The following ATP2B2 variants were observed in gnomAD, a reference collection of about 807,000 sequenced individuals.
ATP2B2 encodes plasma membrane calcium-transporting ATPase 2.
A neutral mutation model predicts 120.0 loss-of-function variants in ATP2B2; 15 were observed. The observed-to-expected ratio is 0.12, with a 90% CI of 0.08 to 0.19. ATP2B2 has a LOEUF of 0.19. ATP2B2 is among the 10% of genes least tolerant of loss of function. The probability of loss-of-function intolerance (pLI) is 1.00; values close to 1 mark genes in which losing one functional copy is unlikely to be tolerated. For synonymous variants in ATP2B2, 694 were observed against 700.3 expected (o/e 0.99, Z 0.14); for missense variants, 1,045 against 1,719.8 (o/e 0.61, Z 6.94).
Position 10,563,155 on chromosome 3 carries a change from ACT to A in ATP2B2, c.-414-29024_-414-29023del, listed in dbSNP as rs1035309677. Among the ~76,000 whole-genome samples, 3 of 152,244 alleles carry A rather than the reference ACT, an allele frequency of 2.0e-5. 1 individual carries two copies. The highest frequency in any genetic ancestry group is 2.0e-4 in the Admixed American group (3 of 15,290). On this transcript the variant is annotated intron_variant, in intron 2 of 21. Transcript: ENST00000646379. ...ATTGAGGGTTGGCTGTATGCCAGGCACTGAGCCGGAACTTTGCATGTATTATT... is the reference window on the plus strand; with the variant it reads ...ATTGAGGGTTGGCTGTATGCCAGGCAGAGCCGGAACTTTGCATGTATTATT...
intron 22 of ATP2B2, chr3:10,332,084 G>A (rs1472472086): frequency 7.9e-6 from 12 of 1,516,426 alleles, no homozygotes; most frequent in South Asian, 4.8e-5. Flanking sequence ...AGAGGTCTAG[G>A]GTTCCCCCCA....
chr3:10,504,642 T>C (rs935718294), intron 1 of ATP2B2, among the ~76,000 whole-genome samples: 1 of 151,890 alleles, frequency 6.6e-6, no homozygotes, highest in Non-Finnish European at 1.5e-5. Flanking sequence ...AGAAAGGGGT[T>C]GCTGCTGTCC....
chr3:10,486,002 T>TGAGGACAGGAGGCCACAAGTGGGCATG (rs2065635942), intron 1 of ATP2B2, among the ~76,000 whole-genome samples: 1 of 151,990 alleles, frequency 6.6e-6, no homozygotes, highest in Non-Finnish European at 1.5e-5. Flanking sequence ...GGGTGGTAAG[T>TGAGGACAGGAGGCCACAAGTGGGCATG]GAGGACAGGA....
Position 10,358,935 on chromosome 3 carries a change from G to A in ATP2B2, c.1902-10C>T. On this transcript the variant is annotated splice_polypyrimidine_tract_variant and intron_variant, in intron 13 of 22. Transcript: ENST00000360273. ...GAGGATTTTGCAGCACCTAGGGGAG[G>A]ATGGAAGGGAGATGGGGAGCCCAGG... 1 of 1,612,682 alleles carries A rather than the reference G, an allele frequency of 6.2e-7. No individual in the cohort carries two copies.
intron 1 of ATP2B2, among the ~76,000 whole-genome samples, chr3:10,486,328 T>TGTGCGTGTGTGC (rs149290932): frequency 6.9e-5 from 8 of 115,582 alleles, no homozygotes; most frequent in East Asian, 2.1e-4. Flanking sequence ...TGCGTGCGTG[T>TGTGCGTGTGTGC]GTGTGTGTGT....
intron 15 of ATP2B2, 26 bp from the exon 16 acceptor site, chr3:10,350,225 GGTC>G: frequency 6.4e-7 from 1 of 1,573,946 alleles, no homozygotes; most frequent in Non-Finnish European, 8.7e-7. Flanking sequence ...GAAGGGGGCG[GGTC>G]GGTGGGGTCG....
At chr3:10,576,771 A>C (rs548154184) in intron 2 of ATP2B2, among the ~76,000 whole-genome samples, 80 of 152,228 alleles carry the variant, frequency 5.3e-4, no homozygotes, top group African/African-American at 1.8e-3. Flanking sequence ...TCAGGACAAT[A>C]TAAGAAGCTG....
chr3:10,341,001 G>A (rs1283953811), intron 19 of ATP2B2, among the ~76,000 whole-genome samples: 1 of 152,148 alleles, frequency 6.6e-6, no homozygotes, highest in East Asian at 1.9e-4. Context: ...GGGCGACATG[G>A]CTTCTAAAAA....
chr3:10,701,060 A>G (rs1361475031), intron 1 of ATP2B2, among the ~76,000 whole-genome samples: 1 of 152,260 alleles, frequency 6.6e-6, no homozygotes, highest in Non-Finnish European at 1.5e-5. Flanking sequence ...ATATTTCTAT[A>G]GCACGAATGA....
chr3:10,514,871 C>T (rs2066845248), intron 3 of ATP2B2, among the ~76,000 whole-genome samples: 1 of 152,246 alleles, frequency 6.6e-6, no homozygotes, highest in Non-Finnish European at 1.5e-5. Flanking sequence ...CATCCCCCTG[C>T]AGGTGGCCCC....
At chr3:10,331,889 T>A in intron 22 of ATP2B2, 1 of 1,270,226 alleles carries the variant, frequency 7.9e-7, no homozygotes, top group Non-Finnish European at 1.1e-6. Context: ...CTGAGATGGG[T>A]TCTACATACT....
At chr3:10,400,287 G>T (rs11716094) in intron 5 of ATP2B2, among the ~76,000 whole-genome samples, 29,480 of 152,160 alleles carry the variant, frequency 0.19, 3,275 homozygotes, top group East Asian at 0.38. Context: ...GGCCCATGAG[G>T]CCTGACCTGT....
At chr3:10,400,786 G>C (rs2062192721) in intron 5 of ATP2B2, among the ~76,000 whole-genome samples, 167 bp downstream of exon 5, 1 of 152,232 alleles carries the variant, frequency 6.6e-6, no homozygotes, top group Non-Finnish European at 1.5e-5. Flanking sequence ...GGCTCAATGT[G>C]TGTTTGTGAG....
At chr3:10,420,939 G>C (rs1262310476) in intron 2 of ATP2B2, among the ~76,000 whole-genome samples, 1 of 152,244 alleles carries the variant, frequency 6.6e-6, no homozygotes, top group South Asian at 2.1e-4. Context: ...TTGGGAGTTA[G>C]AAGAGCTCCC....
chr3:10,371,857 C>A lies in ATP2B2; in HGVS notation c.1611G>T (p.Leu537=). ...TGTTGATGGCGATGGCATTGATCAGCAGCTCCATGGTCTTGGTGTTGATGG... is the reference window on the plus strand; with the variant it reads ...TGTTGATGGCGATGGCATTGATCAGAAGCTCCATGGTCTTGGTGTTGATGG... The part of the protein sequence containing the change: ...PSSINTKTME[L]LINAIAINSA... The change falls in exon 12 of 23, where the codon CTG becomes CTT. Residue 537 remains leucine (L), a synonymous_variant. Coordinates refer to ENST00000360273, the MANE Select transcript of ATP2B2 (RefSeq NM_001001331.4). 2 of 1,614,194 alleles carry A rather than the reference C, an allele frequency of 1.2e-6. No homozygotes were observed. Among genetic ancestry groups the A allele is most frequent in the Non-Finnish European group, 1.7e-6 (2 of 1,180,036 alleles).
intron 1 of ATP2B2, among the ~76,000 whole-genome samples, chr3:10,627,237 T>G (rs2069729541): frequency 6.6e-6 from 1 of 152,202 alleles, no homozygotes; most frequent in African/African-American, 2.4e-5. Flanking sequence ...CAAGGAGATG[T>G]GCCAGAGCCA....
chr3:10,435,695 G>A (rs1186687235), intron 2 of ATP2B2, among the ~76,000 whole-genome samples: 3 of 152,110 alleles, frequency 2.0e-5, no homozygotes, highest in Non-Finnish European at 4.4e-5. Flanking sequence ...CTCTGGAGAA[G>A]GTGGGAGGGG....
chr3:10,668,999 T>A (rs973358721), intron 1 of ATP2B2, among the ~76,000 whole-genome samples: 3 of 152,328 alleles, frequency 2.0e-5, no homozygotes, highest in South Asian at 4.1e-4. Flanking sequence ...TCACGTGGCT[T>A]GCAAATGGTA....
chr3:10,550,752 C>G (rs1220850081), intron 2 of ATP2B2, among the ~76,000 whole-genome samples: 2 of 152,188 alleles, frequency 1.3e-5, no homozygotes, highest in African/African-American at 4.8e-5. Context: ...TCACCCCGGT[C>G]TATGGAACGA....
Sources: allele counts gnomAD v4.1 joint callset (sites outside exome capture counted in the v4.1 genomes callset), GRCh38; gene constraint gnomAD v4.1.1; transcripts MANE v1.5; gene names NCBI Gene and HGNC (gene_info 2026-07-23, HGNC 2026-07-21).